C12orf42: variants seen among roughly 807,000 people sequenced by gnomAD.
C12orf42 encodes the protein chromosome 12 open reading frame 42.
A neutral mutation model predicts 21.6 loss-of-function variants in C12orf42; 25 were observed. The ratio of observed to expected loss-of-function variants is 1.16; its 90% confidence interval spans 0.84 to 1.62. The LOEUF (loss-of-function observed/expected upper bound fraction) is 1.62, where lower values mean the gene tolerates loss of function less well. C12orf42 is among the 40% of genes most tolerant of loss of function. The probability of loss-of-function intolerance (pLI) is 0.00; values close to 1 mark genes in which losing one functional copy is unlikely to be tolerated. For missense variants in C12orf42, 483 were observed against 459.3 expected, an observed-to-expected ratio of 1.05 and a Z score of -0.47; for synonymous variants, 174 against 175.0, an observed-to-expected ratio of 0.99 and a Z score of 0.05.
chr12:103,434,426 G>A (rs1393942211), intron 2 of C12orf42, among the ~76,000 whole-genome samples: 3 of 151,004 alleles, frequency 2.0e-5, no homozygotes, highest in African/African-American at 4.8e-5. Context: ...AACAGCTCCG[G>A]TCTACAGCTC....
rs5800591 is a variant in C12orf42 at position 103,481,656 on chromosome 12, T to TA, written c.-21-3210dup. Among the ~76,000 whole-genome samples the TA allele has an allele frequency of 7.3e-5, 11 of 150,920 alleles. No homozygotes were observed. In the South Asian group the frequency reaches 1.9e-3, roughly 26 times the overall value. On this transcript the variant is annotated intron_variant, in intron 1 of 5. Coordinates refer to ENST00000548883, the MANE Select transcript of C12orf42 (RefSeq NM_198521.5). ...AAAATCAACATAAAGCGAGTTACTT[T>TA]AAAAAAAAAATACCGTCTGACAACC... is the stretch of plus-strand genomic sequence containing the variant.
the C12orf42 span, among the ~76,000 whole-genome samples, chr12:103,073,968 T>C: frequency 1.2e-4 from 18 of 152,072 alleles, no homozygotes; most frequent in Non-Finnish European, 2.5e-4. Flanking sequence ...ATGGCCGAAT[T>C]TGAACCCAAT....
chr12:103,195,932 GT>G, the C12orf42 span, among the ~76,000 whole-genome samples: 2 of 152,208 alleles, frequency 1.3e-5, no homozygotes, highest in African/African-American at 4.8e-5. Context: ...TTATATTTAA[GT>G]TTTTCATCCA....
the C12orf42 span, among the ~76,000 whole-genome samples, chr12:103,093,251 C>G: frequency 6.6e-6 from 1 of 152,126 alleles, no homozygotes; most frequent in Non-Finnish European, 1.5e-5. Flanking sequence ...GTTGTTAAAC[C>G]TGCTTTAAGG....
the C12orf42 span, among the ~76,000 whole-genome samples, chr12:103,555,354 T>C: frequency 6.6e-6 from 1 of 152,108 alleles, no homozygotes; most frequent in South Asian, 2.1e-4. Flanking sequence ...TATAAAACCA[T>C]CAGATCTCAT....
At chr12:103,331,120 A>G (rs1358484606) in intron 4 of C12orf42, among the ~76,000 whole-genome samples, 1 of 152,202 alleles carries the variant, frequency 6.6e-6, no homozygotes, top group East Asian at 1.9e-4. Context: ...ATCCTGTCAA[A>G]CTGCATTTAA....
intron 3 of C12orf42, among the ~76,000 whole-genome samples, chr12:103,385,438 A>G (rs1398196299): frequency 6.6e-6 from 1 of 152,200 alleles, no homozygotes; most frequent in Non-Finnish European, 1.5e-5. Context: ...ATTGTTAAAC[A>G]ATAATTATAC....
chr12:103,064,342 T>C, the C12orf42 span, among the ~76,000 whole-genome samples: 1 of 152,144 alleles, frequency 6.6e-6, no homozygotes, highest in South Asian at 2.1e-4. Flanking sequence ...CACTCAACCA[T>C]CAAAGCCAAG....
chr12:103,552,032 CT>C, the C12orf42 span, among the ~76,000 whole-genome samples: 26,086 of 148,666 alleles, frequency 0.18, 2,337 homozygotes, highest in East Asian at 0.27. Flanking sequence ...ATATGTTGAC[CT>C]TTTTTTTTTA....
intron 1 of C12orf42, among the ~76,000 whole-genome samples, chr12:103,483,564 AT>A (rs1455178952): frequency 4.6e-5 from 7 of 151,808 alleles, no homozygotes; most frequent in Non-Finnish European, 8.8e-5. Context: ...TATGGTTACG[AT>A]TTTTCTTCAC....
intron 5 of C12orf42, among the ~76,000 whole-genome samples, chr12:103,305,718 T>C (rs2038227376): frequency 6.6e-6 from 1 of 152,210 alleles, no homozygotes; most frequent in African/African-American, 2.4e-5. Context: ...GGAATGGTGA[T>C]GATAATAGCT....
At chr12:103,122,839 G>A in the C12orf42 span, among the ~76,000 whole-genome samples, 2 of 152,098 alleles carry the variant, frequency 1.3e-5, no homozygotes, top group Non-Finnish European at 2.9e-5. Flanking sequence ...GGAGGATGTG[G>A]GCAAAGGAGG....
the C12orf42 span, among the ~76,000 whole-genome samples, chr12:103,061,931 T>C: frequency 1.3e-5 from 2 of 151,932 alleles, no homozygotes; most frequent in African/African-American, 4.8e-5. Context: ...TTATTTTCTT[T>C]TGATTAGTCA....
chr12:103,192,779 A>G, the C12orf42 span, among the ~76,000 whole-genome samples: 2 of 152,340 alleles, frequency 1.3e-5, no homozygotes, highest in Middle Eastern at 3.4e-3. Flanking sequence ...AGAAATAGAC[A>G]GCAATACAAT....
At chr12:103,511,490 T>G in the C12orf42 span, among the ~76,000 whole-genome samples, 67 of 152,238 alleles carry the variant, frequency 4.4e-4, no homozygotes, top group African/African-American at 1.5e-3. Flanking sequence ...AATGTTCTTG[T>G]ACTATAAAAA....
intron 4 of C12orf42, among the ~76,000 whole-genome samples, chr12:103,366,766 T>G (rs1330067169): frequency 6.6e-6 from 1 of 152,060 alleles, no homozygotes; most frequent in Non-Finnish European, 1.5e-5. Flanking sequence ...CGATACCACC[T>G]TACTCCCATA....
intron 3 of C12orf42, among the ~76,000 whole-genome samples, chr12:103,399,937 CT>C (rs529697183): frequency 3.3e-4 from 50 of 152,078 alleles, no homozygotes; most frequent in African/African-American, 1.2e-3. Context: ...TATATAACAT[CT>C]GACGTACAGT....
the C12orf42 span, among the ~76,000 whole-genome samples, chr12:103,216,068 A>G: frequency 2.2e-4 from 33 of 152,312 alleles, no homozygotes; most frequent in African/African-American, 7.2e-4. Context: ...GGTCAAAGTC[A>G]CCGATCACAG....
At chr12:103,233,381 G>A (rs1565985140), downstream of C12orf42, among the ~76,000 whole-genome samples, 1 of 152,124 alleles carries the variant, frequency 6.6e-6, no homozygotes, top group Admixed American at 6.5e-5. Context: ...GATTTTGATT[G>A]GGAATGCACT....
Sources: allele counts gnomAD v4.1 joint callset (sites outside exome capture counted in the v4.1 genomes callset), GRCh38; gene constraint gnomAD v4.1.1; transcripts MANE v1.5; gene names NCBI Gene and HGNC (gene_info 2026-07-23, HGNC 2026-07-21).